Variants in MME observed in about 807,000 individuals in gnomAD.
The protein encoded by MME is membrane metalloendopeptidase.
A neutral mutation model predicts 113.2 loss-of-function variants in MME; 98 were observed. That is an observed-to-expected ratio of 0.87 (90% CI 0.74 to 1.02). The LOEUF (loss-of-function observed/expected upper bound fraction) is 1.02. Ranked by LOEUF, MME falls within the 50% of genes least tolerant of loss-of-function variation. The pLI, the probability that MME is intolerant of heterozygous loss-of-function variation, is 0.00. For synonymous variants in MME, 292 were observed against 300.6 expected, an observed-to-expected ratio of 0.97 and a Z score of 0.30; for missense variants, 836 against 896.0, an observed-to-expected ratio of 0.93 and a Z score of 0.86.
At chr3:155,133,900 C>T (rs1720411929) in intron 8 of MME, among the ~76,000 whole-genome samples, 1 of 148,872 alleles carries the variant, frequency 6.7e-6, no homozygotes, top group African/African-American at 2.5e-5. Flanking sequence ...GTAGTAATAC[C>T]CTGCTAAAGG....
chr3:155,144,227 C>A (rs138986614), intron 13 of MME, 132 bp from the exon 14 acceptor site: 263 of 700,184 alleles, frequency 3.8e-4, no homozygotes, highest in African/African-American at 3.0e-3. Flanking sequence ...TAGCTTAGGT[C>A]ACAGTTTGTC....
At chr3:155,071,957 A>C (rs112600312) in intron 1 of MME, among the ~76,000 whole-genome samples, 11,733 of 151,696 alleles carry the variant, frequency 0.077, 939 homozygotes, top group African/African-American at 0.2. Context: ...GTCAGGAGAT[A>C]GAGACCATCC....
At chr3:155,040,482 C>T (rs565327175) in intron 1 of MME, among the ~76,000 whole-genome samples, 14 of 151,672 alleles carry the variant, frequency 9.2e-5, no homozygotes, top group Non-Finnish European at 2.1e-4. Flanking sequence ...CATAAATACA[C>T]GCACATATAT....
intron 16 of MME, among the ~76,000 whole-genome samples, chr3:155,150,330 T>C (rs1017782661): frequency 2.6e-5 from 4 of 152,182 alleles, no homozygotes; most frequent in Admixed American, 1.3e-4. Context: ...CCTTTCATCA[T>C]ATGGGCTGAT....
intron 1 of MME, among the ~76,000 whole-genome samples, chr3:155,063,666 T>TA (rs1714267809): frequency 8.8e-6 from 1 of 113,128 alleles, no homozygotes; most frequent in African/African-American, 3.5e-5. Context: ...ATATAACATA[T>TA]TATATATTAT....
chr3:155,044,178 G>A (rs1214288298), intron 1 of MME, among the ~76,000 whole-genome samples: 1 of 133,900 alleles, frequency 7.5e-6, no homozygotes, highest in African/African-American at 2.8e-5. Context: ...TGTCACTCTG[G>A]CTGGAGTGCA....
chr3:155,060,244 T>A (rs902862260), intron 1 of MME, among the ~76,000 whole-genome samples: 5 of 152,318 alleles, frequency 3.3e-5, no homozygotes, highest in Admixed American at 6.5e-5. Flanking sequence ...TTGGGCTTGC[T>A]GAAAGCTGAA....
chr3:155,142,444 C>A, intron 12 of MME, 114 bp downstream of exon 12: 1 of 814,178 alleles, frequency 1.2e-6, no homozygotes, highest in Non-Finnish European at 2.0e-6. Context: ...GGACAAAATG[C>A]CAAAGTTCGT....
intron 17 of MME, 37 bp downstream of exon 17, chr3:155,160,485 C>T (rs199760550): frequency 2.9e-6 from 4 of 1,394,752 alleles, no homozygotes; most frequent in Admixed American, 1.7e-5. Context: ...TAATATTTCT[C>T]TATCGTTCCC....
chr3:155,178,851 G>A (rs765936583), intron 22 of MME, among the ~76,000 whole-genome samples: 5 of 152,006 alleles, frequency 3.3e-5, no homozygotes, highest in East Asian at 1.9e-4. Context: ...AAGTCCATAC[G>A]TTCAGTAGAC....
intron 8 of MME, among the ~76,000 whole-genome samples, chr3:155,127,007 C>CA (rs781764437): frequency 0.018 from 1,181 of 64,784 alleles, 11 homozygotes; most frequent in African/African-American, 0.046. Context: ...AACTCCATCT[C>CA]AAAAAAAAAA....
chr3:155,117,618 T>A (rs1166983887), intron 7 of MME, among the ~76,000 whole-genome samples: 1 of 150,520 alleles, frequency 6.6e-6, no homozygotes, highest in Non-Finnish European at 1.5e-5. Context: ...TTTTTTTGGT[T>A]TCCTGTGTAA....
chr3:155,074,988 G>C (rs1714698673), upstream of MME, among the ~76,000 whole-genome samples: 1 of 151,224 alleles, frequency 6.6e-6, no homozygotes, highest in Non-Finnish European at 1.5e-5. Flanking sequence ...TTTTAATATT[G>C]TTATCCAGAT....
rs868194603 is a variant in MME at position 155,056,897 on chromosome 3, A to G, written c.-10-27261A>G. 8.5e-5 allele frequency among the ~76,000 whole-genome samples: 13 copies of G among 152,344 alleles called. No homozygotes were observed. In the Middle Eastern group the frequency reaches 0.017, roughly 199 times the overall value. ...TTGGGAAAACTGGCTAGCCATATGT[A>G]GAAAGCTGAAACTGGATCCCTTCCT... On this transcript the variant is annotated intron_variant, in intron 1 of 22. Coordinates refer to the MME transcript ENST00000492661.
At position 155,059,933 on chromosome 3, in the gene MME, A is replaced by G. The variant is rs145215592; in HGVS notation, c.-10-24225A>G. 1.9e-3 allele frequency among the ~76,000 whole-genome samples: 287 copies of G among 152,332 alleles called. 2 individuals are homozygous for G. Among genetic ancestry groups the G allele is most frequent in the African/African-American group, 6.6e-3 (275 of 41,582 alleles). ...ATTAAACAATATGAGAATTCGGTACAAGGGTTGCTGAGTAGATTTTGTTGG... is the reference window on the plus strand; with the variant it reads ...ATTAAACAATATGAGAATTCGGTACGAGGGTTGCTGAGTAGATTTTGTTGG... On this transcript the variant is annotated intron_variant, in intron 1 of 22. Transcript: ENST00000492661.
At chr3:155,062,822 G>A (rs553158979) in intron 1 of MME, among the ~76,000 whole-genome samples, 1 of 151,954 alleles carries the variant, frequency 6.6e-6, no homozygotes, top group Admixed American at 6.6e-5. Flanking sequence ...CGGATCACAA[G>A]GTCAGGAGTT....
intron 3 of MME, among the ~76,000 whole-genome samples, chr3:155,104,252 G>A (rs1458423274): frequency 6.6e-6 from 1 of 152,074 alleles, no homozygotes; most frequent in Non-Finnish European, 1.5e-5. Context: ...GTCTTTTCAT[G>A]CTTCACAAGA....
rs527411974 is a variant in MME at position 155,133,064 on chromosome 3, T to A, written c.721-5038T>A. 8.5e-3 allele frequency among the ~76,000 whole-genome samples: 458 copies of A among 53,878 alleles called. 3 individuals carry two copies. Among genetic ancestry groups the A allele is most frequent in the South Asian group, 0.018 (28 of 1,528 alleles). The allele number at this position is 53,878 out of a possible 152,430, so 35.3% of individuals were successfully genotyped here. A position where few individuals can be genotyped will look rare whatever the true frequency, so the allele number is the denominator to read the frequency against. ...TAAAAAAAAAAAAAAAAAAAAAAAA[T>A]ATATATATATATATATGTATAAAGT... On this transcript the variant is annotated intron_variant, in intron 8 of 22. Coordinates refer to ENST00000360490, the MANE Select transcript of MME (RefSeq NM_007289.4).
At position 155,176,641 on chromosome 3, in the gene MME, C is replaced by T. The variant is rs540479684; in HGVS notation, c.2154-3719C>T. On this transcript the variant is annotated intron_variant, in intron 22 of 22. Coordinates refer to ENST00000360490, the MANE Select transcript of MME (RefSeq NM_007289.4). Reference sequence around the variant, plus strand: ...AGGAGTTCAAGACCAGCTTGGGTGACATAGTGGGACCTCGTCTCTATTAAA... The same window carrying T: ...AGGAGTTCAAGACCAGCTTGGGTGATATAGTGGGACCTCGTCTCTATTAAA... Among the ~76,000 whole-genome samples, 433 of 152,152 alleles carry T rather than the reference C, an allele frequency of 2.8e-3. 6 individuals are homozygous for T. The highest frequency in any genetic ancestry group is 3.4e-3 in the Non-Finnish European group (231 of 67,996).
Sources: gnomAD v4.1 joint callset for allele counts (sites outside exome capture counted in the v4.1 genomes callset) on GRCh38, gnomAD v4.1.1 for gene constraint, MANE v1.5 for transcripts, NCBI Gene and HGNC (gene_info 2026-07-23, HGNC 2026-07-21) for gene names.